The following ATXN10 variants were observed in gnomAD, a reference collection of about 807,000 sequenced individuals.
The protein encoded by ATXN10 is ataxin-10.
Under a neutral mutation model 52.9 loss-of-function variants are expected in ATXN10, and 28 were observed. The ratio of observed to expected loss-of-function variants is 0.53; its 90% CI spans 0.39 to 0.73. The LOEUF is 0.73. Ranked by LOEUF, ATXN10 falls within the 30% of genes least tolerant of loss-of-function variation. The probability of loss-of-function intolerance (pLI) is 0.00; values close to 1 mark genes in which losing one functional copy is unlikely to be tolerated. For synonymous variants in ATXN10, 226 were observed against 221.5 expected, an observed-to-expected ratio of 1.02 and a Z score of -0.18; for missense variants, 565 against 577.0, an observed-to-expected ratio of 0.98 and a Z score of 0.21.
rs1928786200 is a variant in ATXN10 at position 45,825,500 on chromosome 22, C to G, written c.1238-17491C>G. ...CTCAGGCTTATCCTTGGCACAGAGA[C>G]AGCCTGCAACAATCCAGAAATAATA... On this transcript the variant is annotated intron_variant, in intron 10 of 11. Coordinates refer to ENST00000252934, the MANE Select transcript of ATXN10 (RefSeq NM_013236.4). This position sits in a 1 kb window ranked among gnomAD's most constrained non-coding sequence, Gnocchi z 4.5. 6.6e-6 allele frequency among the ~76,000 whole-genome samples: 1 copy of G among 152,096 alleles called. No individual in the cohort carries two copies. Among genetic ancestry groups the G allele is most frequent in the Admixed American group, 6.5e-5 (1 of 15,270 alleles).
At chr22:45,822,629 C>G (rs1928688765) in intron 10 of ATXN10, among the ~76,000 whole-genome samples, 1 of 142,990 alleles carries the variant, frequency 7.0e-6, no homozygotes. Context: ...CTCCTGGGTT[C>G]AAGTGATTCT....
At chr22:45,707,476 C>A (rs9626426) in intron 5 of ATXN10, among the ~76,000 whole-genome samples, 3,776 of 152,010 alleles carry the variant, frequency 0.025, 147 homozygotes, top group African/African-American at 0.086. Flanking sequence ...ATGACAGGAT[C>A]AATCATTAGA....
At chr22:45,807,536 G>A (rs919677918) in intron 10 of ATXN10, among the ~76,000 whole-genome samples, 2 of 152,222 alleles carry the variant, frequency 1.3e-5, no homozygotes, top group Non-Finnish European at 2.9e-5. Context: ...GGTTTGTCCT[G>A]CAGCCCTCTG....
At chr22:45,749,745 G>A (rs1925875332) in intron 9 of ATXN10, among the ~76,000 whole-genome samples, 1 of 151,792 alleles carries the variant, frequency 6.6e-6, no homozygotes. Flanking sequence ...TTTTTTTTTG[G>A]TAGAAAAACA....
chr22:45,697,965 A>G (rs1043243837), intron 3 of ATXN10, among the ~76,000 whole-genome samples: 2 of 152,186 alleles, frequency 1.3e-5, no homozygotes, highest in African/African-American at 4.8e-5. Flanking sequence ...TCCACCTTGT[A>G]GTGTGTATCA....
At chr22:45,722,971 T>C (rs1011006546) in intron 6 of ATXN10, among the ~76,000 whole-genome samples, 3 of 152,114 alleles carry the variant, frequency 2.0e-5, no homozygotes, top group East Asian at 1.9e-4. Flanking sequence ...CAAGAAATAG[T>C]GAACTAGGTG....
chr22:45,782,738 G>A (rs1927193293), intron 9 of ATXN10, among the ~76,000 whole-genome samples: 1 of 152,162 alleles, frequency 6.6e-6, no homozygotes, highest in Non-Finnish European at 1.5e-5. Flanking sequence ...CGTAAGATTT[G>A]TGCACTTTAC....
rs1162179890 is a variant in ATXN10 at position 45,775,213 on chromosome 22, G to A, written c.1174-31746G>A. ...GGCAGTGGGCAGGGGACAGATGTGT[G>A]CACATGGAGGACTGGGAGGGCTGGA... On this transcript the variant is annotated intron_variant, in intron 9 of 11. Transcript: ENST00000252934. The surrounding 1 kb of genome is among the most constrained non-coding windows in gnomAD (Gnocchi z 4.7). 6.6e-6 allele frequency among the ~76,000 whole-genome samples: 1 copy of A among 152,156 alleles called. No individual in the cohort carries two copies. The highest frequency in any genetic ancestry group is 2.4e-5 in the African/African-American group (1 of 41,432).
At chr22:45,737,686 A>G (rs1424568824) in intron 7 of ATXN10, among the ~76,000 whole-genome samples, 1 of 142,370 alleles carries the variant, frequency 7.0e-6, no homozygotes, top group African/African-American at 2.6e-5. Flanking sequence ...GAAGAATGTT[A>G]TCTCTTTTTT....
chr22:45,672,242 C>A, intron 1 of ATXN10, 63 bp downstream of exon 1: 1 of 1,404,052 alleles, frequency 7.1e-7, no homozygotes, highest in Non-Finnish European at 9.2e-7. Context: ...CCCGCGGCGG[C>A]CCCGGCCTGG....
rs1928119488 is a variant in ATXN10, at chr22:45,806,960, TA to T, written c.1178del (p.Asn393MetfsTer8). 2 of 1,612,850 alleles carry T rather than the reference TA, an allele frequency of 1.2e-6. No homozygotes were observed. The highest frequency in any genetic ancestry group is 1.3e-5 in the African/African-American group (1 of 74,904). On this transcript the variant is annotated frameshift_variant and splice_region_variant, in exon 10 of 12. Coordinates refer to ENST00000252934, the MANE Select transcript of ATXN10 (RefSeq NM_013236.4). LOFTEE classifies it high-confidence loss of function. ...TAAACTTATCTTCTTTCTCTCTAGG[TA>T]AATGAGCTGGATGGTATCCCGTTGA... ...CYKNKDNQDKVNELDGIPLIL... is the reference protein window; with the variant it reads ...CYKNKDNQDKXNELDGIPLIL...
intron 10 of ATXN10, among the ~76,000 whole-genome samples, chr22:45,839,447 C>A (rs1334958697): frequency 6.6e-6 from 1 of 152,186 alleles, no homozygotes; most frequent in Non-Finnish European, 1.5e-5. Flanking sequence ...GGACCCATCA[C>A]CCCAGCTGCA....
chr22:45,783,974 G>A lies in ATXN10; in HGVS notation c.1174-22985G>A, dbSNP rs768052320. On this transcript the variant is annotated intron_variant, in intron 9 of 11. Transcript: ENST00000252934. This position sits in a 1 kb window ranked among gnomAD's most constrained non-coding sequence, Gnocchi z 5.0. The stretch of plus-strand genomic sequence containing the variant: ...TGCTGAGGCTGGCGGCCCACTACCC[G>A]CATTTGTCCCTGACTGCTTTGCAGG... 6.6e-6 allele frequency among the ~76,000 whole-genome samples: 1 copy of A among 152,132 alleles called. No individual in the cohort carries two copies. Among genetic ancestry groups the A allele is most frequent in the African/African-American group, 2.4e-5 (1 of 41,418 alleles).
In ATXN10 at chr22:45,781,135, C is replaced by A. The variant is rs1601642040; in HGVS notation, c.1174-25824C>A. Among the ~76,000 whole-genome samples, 1 of 152,200 alleles carries A rather than the reference C, an allele frequency of 6.6e-6. No individual in the cohort carries two copies. Among genetic ancestry groups the A allele is most frequent in the East Asian group, 1.9e-4 (1 of 5,200 alleles). On this transcript the variant is annotated intron_variant, in intron 9 of 11. Coordinates refer to ENST00000252934, the MANE Select transcript of ATXN10 (RefSeq NM_013236.4). This position sits in a 1 kb window ranked among gnomAD's most constrained non-coding sequence, Gnocchi z 4.2. The stretch of plus-strand genomic sequence containing the variant: ...AGTGCCCTATTTCAGCCAAACACCA[C>A]GGAAAAGAATGTGGCCCCAGCCCAC...
In ATXN10 at chr22:45,696,725, G is replaced by C. The variant is rs1923621996; in HGVS notation, c.392-3557G>C. On this transcript the variant is annotated intron_variant, in intron 3 of 11. Coordinates refer to ENST00000252934, the MANE Select transcript of ATXN10 (RefSeq NM_013236.4). This position sits in a 1 kb window ranked among gnomAD's most constrained non-coding sequence, Gnocchi z 4.7. ...CTCGTTTTTCTGCTCTATCCCAAATGTGCTACAAAAGATGTATTTAGTTTT... is the reference window on the plus strand; with the variant it reads ...CTCGTTTTTCTGCTCTATCCCAAATCTGCTACAAAAGATGTATTTAGTTTT... Among the ~76,000 whole-genome samples the C allele has an allele frequency of 1.3e-5, 2 of 152,076 alleles. No individual in the cohort carries two copies. Among genetic ancestry groups the C allele is most frequent in the African/African-American group, 4.8e-5 (2 of 41,394 alleles).
At chr22:45,760,211 C>T (rs961365443) in intron 9 of ATXN10, among the ~76,000 whole-genome samples, 3 of 152,170 alleles carry the variant, frequency 2.0e-5, no homozygotes, top group East Asian at 1.9e-4. Flanking sequence ...CTACAGATGA[C>T]ATTCCCTATC....
At chr22:45,721,160 C>G (rs1202178862) in intron 6 of ATXN10, among the ~76,000 whole-genome samples, 1 of 152,160 alleles carries the variant, frequency 6.6e-6, no homozygotes, top group Non-Finnish European at 1.5e-5. Flanking sequence ...GATATAGACT[C>G]ATCATCAATT....
At chr22:45,802,116 A>G (rs1927949949) in intron 9 of ATXN10, among the ~76,000 whole-genome samples, 1 of 152,122 alleles carries the variant, frequency 6.6e-6, no homozygotes, top group Admixed American at 6.5e-5. Flanking sequence ...ACAGTTCCCA[A>G]ATCTATTTGT....
chr22:45,753,377 C>CTTTTTTTT (rs71190680), intron 9 of ATXN10, among the ~76,000 whole-genome samples: 3 of 57,870 alleles, frequency 5.2e-5, no homozygotes, highest in Non-Finnish European at 3.2e-5. Context: ...CTCTTACCAG[C>CTTTTTTTT]TTTTTTTTTT....
Sources: allele counts gnomAD v4.1 joint callset (sites outside exome capture counted in the v4.1 genomes callset), GRCh38; gene constraint gnomAD v4.1.1; non-coding constraint Gnocchi (gnomAD v3.1); transcripts MANE v1.5; gene names NCBI Gene and HGNC (gene_info 2026-07-23, HGNC 2026-07-21).